Variants in AADAC observed in about 807,000 individuals in gnomAD.
The protein encoded by AADAC is arylacetamide deacetylase.
In AADAC, 17 loss-of-function variants were observed where a neutral mutation model predicts 22.7. The ratio of observed to expected loss-of-function variants is 0.75; its 90% confidence interval spans 0.51 to 1.12. The LOEUF (loss-of-function observed/expected upper bound fraction) is 1.12, where lower values mean the gene tolerates loss of function less well. Ranked by LOEUF, AADAC falls within the 50% of genes most tolerant of loss-of-function variation. The pLI is 0.00. For missense variants in AADAC, 465 were observed against 473.9 expected (o/e 0.98, Z 0.17); for synonymous variants, 167 against 176.3 (o/e 0.95, Z 0.42).
rs769186441 is a variant in AADAC, at chr3:151,824,772, G to C, written c.541G>C (p.Glu181Gln). 6.2e-7 allele frequency: 1 copy of C among 1,607,634 alleles called. No homozygotes were observed. The highest frequency in any genetic ancestry group is 1.1e-5 in the South Asian group (1 of 89,692). The change falls in exon 4 of 5, where the codon GAG becomes CAG. Residue 181 changes from glutamate to glutamine, a missense_variant. Physicochemically the swap from Glu to Gln is conservative, Grantham distance 29. Coordinates refer to ENST00000232892, the MANE Select transcript of AADAC (RefSeq NM_001086.3). ...TCTTGCAAAATATGGTGTGAACCCTGAGAGAATCGGTATTTCTGGAGATAG... is the reference window on the plus strand; with the variant it reads ...TCTTGCAAAATATGGTGTGAACCCTCAGAGAATCGGTATTTCTGGAGATAG... ...KVLAKYGVNP[E>Q]RIGISGDSAG...
At position 151,828,008 on chromosome 3, in the gene AADAC, A is replaced by G; in HGVS notation, c.1036A>G (p.Arg346Gly). Reference protein sequence around the residue: ...YVITCQYDLLRDDGLMYVTRL... With the variant: ...YVITCQYDLLGDDGLMYVTRL... The stretch of plus-strand genomic sequence containing the variant: ...CATCACCTGTCAATATGATCTCTTA[A>G]GAGATGATGGACTCATGTATGTCAC... The change falls in exon 5 of 5, where the codon AGA becomes GGA. Residue 346 changes from arginine (R) to glycine (G), a missense_variant. Coordinates refer to ENST00000232892, the MANE Select transcript of AADAC (RefSeq NM_001086.3). 6.2e-7 allele frequency: 1 copy of G among 1,613,372 alleles called. No individual in the cohort carries two copies. Among genetic ancestry groups the G allele is most frequent in the Non-Finnish European group, 8.5e-7 (1 of 1,179,536 alleles).
intron 1 of AADAC, among the ~76,000 whole-genome samples, chr3:151,815,206 G>C (rs1200139632): frequency 6.6e-6 from 1 of 151,938 alleles, no homozygotes; most frequent in African/African-American, 2.4e-5. Flanking sequence ...GGCAAGAGTG[G>C]GCTACTGTAT....
intron 3 of AADAC, 42 bp downstream of exon 3, chr3:151,820,494 A>G (rs999484665): frequency 2.6e-6 from 3 of 1,171,948 alleles, no homozygotes; most frequent in Non-Finnish European, 2.4e-6. Context: ...GATGTCTGAC[A>G]TGCCAAGATT....
intron 3 of AADAC, among the ~76,000 whole-genome samples, chr3:151,823,369 A>T (rs1195174555): frequency 1.3e-5 from 2 of 152,026 alleles, no homozygotes; most frequent in Non-Finnish European, 2.9e-5. Flanking sequence ...GTGGGTATAG[A>T]CATATGTATA....
In AADAC at chr3:151,823,321, A is replaced by C. The variant is rs1039748642; in HGVS notation, c.432-1342A>C. Among the ~76,000 whole-genome samples, 11 of 152,080 alleles carry C rather than the reference A, an allele frequency of 7.2e-5. No individual in the cohort carries two copies. In the East Asian group the frequency reaches 2.1e-3, roughly 29 times the overall value. On this transcript the variant is annotated intron_variant, in intron 3 of 4. Coordinates refer to ENST00000232892, the MANE Select transcript of AADAC (RefSeq NM_001086.3). ...TAAGAAATTATGTTCATCAAAAGACATTAATAGAAGTCTTAAAGTTTGTGT... is the reference window on the plus strand; with the variant it reads ...TAAGAAATTATGTTCATCAAAAGACCTTAATAGAAGTCTTAAAGTTTGTGT...
At chr3:151,815,952 G>A (rs1346775201) in intron 1 of AADAC, among the ~76,000 whole-genome samples, 2 of 151,932 alleles carry the variant, frequency 1.3e-5, no homozygotes, top group African/African-American at 4.8e-5. Context: ...TCAAACTACT[G>A]GATTGAGAAT....
chr3:151,827,386 GTTCT>G (rs1177514319), intron 4 of AADAC, among the ~76,000 whole-genome samples, 186 bp from the exon 5 acceptor site: 2 of 151,912 alleles, frequency 1.3e-5, no homozygotes, highest in African/African-American at 4.8e-5. Flanking sequence ...TGAACATCTA[GTTCT>G]AGAAACCCAT....
rs1716533437 is a variant in AADAC at position 151,827,197 on chromosome 3, C to T, written c.604-379C>T. 2.0e-5 allele frequency among the ~76,000 whole-genome samples: 3 copies of T among 151,900 alleles called. No individual in the cohort carries two copies. In the South Asian group the frequency reaches 6.2e-4, roughly 31 times the overall value. On this transcript the variant is annotated intron_variant, in intron 4 of 4. Coordinates refer to ENST00000232892, the MANE Select transcript of AADAC (RefSeq NM_001086.3). ...AAAGTTCTGGGATTACAGGAATGAG[C>T]CACCATACCAGGCCTATTTTAATAA...
At chr3:151,820,571 G>T in intron 3 of AADAC, 119 bp downstream of exon 3, 1 of 550,126 alleles carries the variant, frequency 1.8e-6, no homozygotes, top group African/African-American at 2.1e-5. Context: ...AGGCTGGAGT[G>T]CAGTGGCAGG....
intron 3 of AADAC, among the ~76,000 whole-genome samples, chr3:151,822,663 T>C (rs188613269): frequency 7.2e-5 from 11 of 152,124 alleles, no homozygotes; most frequent in Admixed American, 1.3e-4. Context: ...TCCATTTATA[T>C]AAAATGTCCA....
chr3:151,815,420 T>C (rs1715941773), intron 1 of AADAC, among the ~76,000 whole-genome samples: 1 of 151,896 alleles, frequency 6.6e-6, no homozygotes, highest in African/African-American at 2.4e-5. Flanking sequence ...TTGCAATTAG[T>C]TTGGAGAGGT....
Position 151,814,118 on chromosome 3 carries a change from G to T in AADAC, c.-45G>T, listed in dbSNP as rs762255236. 6 of 1,608,896 alleles carry T rather than the reference G, an allele frequency of 3.7e-6. No homozygotes were observed. The Admixed American group carries it at 8.4e-5, about 22-fold the overall frequency. ...TACACTATTCAGGCATATCATGTAG[G>T]TTTACTTTCTGTGTTTCTAGAGACC... On this transcript the variant is annotated 5_prime_UTR_variant, in exon 1 of 5. Transcript: ENST00000232892.
At chr3:151,824,340 T>G (rs904326891) in intron 3 of AADAC, among the ~76,000 whole-genome samples, 2 of 151,956 alleles carry the variant, frequency 1.3e-5, no homozygotes, top group Non-Finnish European at 1.5e-5. Context: ...GTATATGCTA[T>G]ATGATTTTAT....
At chr3:151,821,311 A>C (rs899606235) in intron 3 of AADAC, among the ~76,000 whole-genome samples, 4 of 152,054 alleles carry the variant, frequency 2.6e-5, no homozygotes, top group African/African-American at 9.7e-5. Context: ...TATATTAAAA[A>C]TGTATTATCA....
chr3:151,814,399 TTCA>T (rs1715894709), intron 1 of AADAC, 99 bp downstream of exon 1: 2 of 1,271,030 alleles, frequency 1.6e-6, no homozygotes, highest in African/African-American at 3.0e-5. Flanking sequence ...TATTGACTTA[TTCA>T]TCTTTTAAAA....
rs180907890 is a variant in AADAC at position 151,827,562 on chromosome 3, A to G, written c.604-14A>G. On this transcript the variant is annotated splice_polypyrimidine_tract_variant and intron_variant, in intron 4 of 4. Transcript: ENST00000232892. ...TAAATGAAAATGATTTGTGCAAATC[A>G]TCTTGCTTCTCAGCTCCTTGATGAC... 5.4e-6 allele frequency: 8 copies of G among 1,474,438 alleles called. No homozygotes were observed. Among genetic ancestry groups the G allele is most frequent in the African/African-American group, 1.4e-5 (1 of 70,944 alleles). The allele number at this position is 1,474,438 out of a possible 1,614,324, so 91.3% of individuals were successfully genotyped here.
intron 1 of AADAC, among the ~76,000 whole-genome samples, chr3:151,815,694 T>C (rs890313693): frequency 6.6e-6 from 1 of 152,016 alleles, no homozygotes; most frequent in Non-Finnish European, 1.5e-5. Flanking sequence ...TTACATTCTG[T>C]CCACAATTTA....
chr3:151,823,549 T>G (rs1434940274), intron 3 of AADAC, among the ~76,000 whole-genome samples: 3 of 151,788 alleles, frequency 2.0e-5, no homozygotes, highest in Non-Finnish European at 4.4e-5. Flanking sequence ...AAAATACAAA[T>G]TAAGACTATT....
intron 3 of AADAC, 68 bp downstream of exon 3, chr3:151,820,520 T>TTTTC: frequency 3.0e-6 from 3 of 993,994 alleles, no homozygotes; most frequent in Non-Finnish European, 2.7e-6. Context: ...AGCTTTCTTT[T>TTTTC]TTTTTTTTTT....
Sources: gnomAD v4.1 joint callset for allele counts (sites outside exome capture counted in the v4.1 genomes callset) on GRCh38, gnomAD v4.1.1 for gene constraint, MANE v1.5 for transcripts, NCBI Gene and HGNC (gene_info 2026-07-23, HGNC 2026-07-21) for gene names.